PTPRK: variants seen among roughly 807,000 people sequenced by gnomAD.
PTPRK encodes the protein protein tyrosine phosphatase receptor type K.
PTPRK carries 75 observed loss-of-function variants against 178.0 expected under a neutral mutation model. The observed-to-expected ratio is 0.42, with a 90% CI of 0.35 to 0.51. The LOEUF is 0.51. Among genes scored for constraint, PTPRK ranks in the 20% least tolerant of loss-of-function variants. The pLI, the probability that PTPRK is intolerant of heterozygous loss-of-function variation, is 0.02. For missense variants in PTPRK, 1,441 were observed against 1,797.8 expected (o/e 0.80, Z 3.59); for synonymous variants, 637 against 620.6 (o/e 1.03, Z -0.39).
At chr6:127,986,947 A>T (rs1776046492) in intron 21 of PTPRK, among the ~76,000 whole-genome samples, 1 of 152,168 alleles carries the variant, frequency 6.6e-6, no homozygotes, top group African/African-American at 2.4e-5. Flanking sequence ...AAATAACTGT[A>T]ACAATCACAA....
At chr6:128,037,816 G>A (rs1776474887) in intron 13 of PTPRK, among the ~76,000 whole-genome samples, 1 of 152,142 alleles carries the variant, frequency 6.6e-6, no homozygotes, top group Non-Finnish European at 1.5e-5. Context: ...ATCCTGAGTT[G>A]AGCAATGTAT....
In PTPRK at chr6:128,452,185, C is replaced by CTTATCTTA. The variant is rs1358524870; in HGVS notation, c.101-54505_101-54498dup. Among the ~76,000 whole-genome samples, 17 of 152,264 alleles carry CTTATCTTA rather than the reference C, an allele frequency of 1.1e-4. No individual in the cohort carries two copies. In the East Asian group the frequency reaches 3.1e-3, roughly 28 times the overall value. ...GTTCTAGTGCCACCTTTCATCTCTG[C>CTTATCTTA]TTATCTTATTTCATGTGTTTTCATT... is the stretch of plus-strand genomic sequence containing the variant. On this transcript the variant is annotated intron_variant, in intron 1 of 29. Coordinates refer to ENST00000368226, the MANE Select transcript of PTPRK (RefSeq NM_002844.4).
chr6:128,136,216 C>T (rs1794993777), intron 7 of PTPRK, among the ~76,000 whole-genome samples: 1 of 152,192 alleles, frequency 6.6e-6, no homozygotes, highest in East Asian at 1.9e-4. Flanking sequence ...TTCAGACTTG[C>T]AGCCTCCAGA....
chr6:128,041,316 T>C (rs1489670096), intron 13 of PTPRK, among the ~76,000 whole-genome samples: 2 of 152,090 alleles, frequency 1.3e-5, no homozygotes, highest in Admixed American at 6.6e-5. Context: ...ATGCATTTAT[T>C]AAATCAGATA....
chr6:128,082,592 G>T lies in PTPRK; in HGVS notation c.1622C>A (p.Ala541Asp). 6.2e-7 allele frequency: 1 copy of T among 1,612,548 alleles called. No homozygotes were observed. Among genetic ancestry groups the T allele is most frequent in the Non-Finnish European group, 8.5e-7 (1 of 1,178,872 alleles). Reference protein sequence around the residue: ...IRSFDPAVPVAGPPQTVSNLW... With the variant: ...IRSFDPAVPVDGPPQTVSNLW... The stretch of plus-strand genomic sequence containing the variant: ...ATTTGATACAGTCTGGGGAGGTCCA[G>T]CCACTGGAACTGCAGGATCAAATGA... Residue 541 changes from alanine to aspartate, a missense_variant, in exon 10 of 30, where the codon GCT becomes GAT. Ala to Asp is a moderately radical substitution (Grantham distance 126). Coordinates refer to ENST00000368226, the MANE Select transcript of PTPRK (RefSeq NM_002844.4).
intron 10 of PTPRK, among the ~76,000 whole-genome samples, chr6:128,080,838 TTAACA>T (rs1301970973): frequency 4.6e-5 from 7 of 152,082 alleles, no homozygotes; most frequent in Non-Finnish European, 1.0e-4. Context: ...ATAATTGTTC[TTAACA>T]TAAAGTGATT....
At chr6:128,498,044 AAAAC>A (rs1854987073) in intron 1 of PTPRK, among the ~76,000 whole-genome samples, 1 of 152,202 alleles carries the variant, frequency 6.6e-6, no homozygotes, top group Non-Finnish European at 1.5e-5. Flanking sequence ...GTTGTAAAAA[AAAAC>A]AAAAACAAAA....
At chr6:128,403,770 AC>A (rs1472923316) in intron 1 of PTPRK, among the ~76,000 whole-genome samples, 1 of 152,170 alleles carries the variant, frequency 6.6e-6, no homozygotes, top group African/African-American at 2.4e-5. Context: ...TATTGCCAAA[AC>A]CAGTTTTACC....
At chr6:128,369,467 T>C (rs1032980780) in intron 2 of PTPRK, among the ~76,000 whole-genome samples, 1 of 152,132 alleles carries the variant, frequency 6.6e-6, no homozygotes, top group African/African-American at 2.4e-5. Context: ...AAGTTAGGCT[T>C]CTACCTGGTA....
At chr6:128,130,709 T>G (rs1432071898) in intron 7 of PTPRK, among the ~76,000 whole-genome samples, 1 of 152,180 alleles carries the variant, frequency 6.6e-6, no homozygotes, top group African/African-American at 2.4e-5. Flanking sequence ...GGCAATTACA[T>G]TAAACACTCA....
chr6:128,184,180 C>T (rs905458742), intron 7 of PTPRK, among the ~76,000 whole-genome samples: 5 of 152,030 alleles, frequency 3.3e-5, no homozygotes, highest in Admixed American at 2.0e-4. Flanking sequence ...AGCAGGCTCA[C>T]CAAAACTACC....
At chr6:128,270,865 A>G (rs540212087) in intron 3 of PTPRK, among the ~76,000 whole-genome samples, 1 of 152,230 alleles carries the variant, frequency 6.6e-6, no homozygotes, top group South Asian at 2.1e-4. Flanking sequence ...CAGTGTACCA[A>G]TCAGGCATTA....
intron 7 of PTPRK, among the ~76,000 whole-genome samples, chr6:128,149,861 G>A (rs2114552724): frequency 6.6e-6 from 1 of 152,250 alleles, no homozygotes; most frequent in South Asian, 2.1e-4. Context: ...AAGAGAAGAG[G>A]TAGTCACTGC....
At chr6:127,977,510 G>T (rs530280427) in intron 25 of PTPRK, among the ~76,000 whole-genome samples, 1 of 152,108 alleles carries the variant, frequency 6.6e-6, no homozygotes, top group Non-Finnish European at 1.5e-5. Flanking sequence ...GTGTGTGTGC[G>T]TGCAAGTAAA....
intron 15 of PTPRK, among the ~76,000 whole-genome samples, chr6:128,004,734 T>C (rs1483924119): frequency 6.6e-6 from 1 of 151,864 alleles, no homozygotes; most frequent in Non-Finnish European, 1.5e-5. Flanking sequence ...CAAAGGAAGA[T>C]GCAAATGGAA....
At chr6:128,342,782 T>C (rs1484161010) in intron 2 of PTPRK, among the ~76,000 whole-genome samples, 1 of 152,158 alleles carries the variant, frequency 6.6e-6, no homozygotes, top group African/African-American at 2.4e-5. Context: ...TCTACAAATT[T>C]TTTTTTCTAA....
At chr6:128,480,243 T>A (rs1182842960) in intron 1 of PTPRK, among the ~76,000 whole-genome samples, 2 of 152,082 alleles carry the variant, frequency 1.3e-5, no homozygotes, top group Non-Finnish European at 2.9e-5. Flanking sequence ...CCTTTCGCGC[T>A]TGTTCTTCCA....
chr6:128,299,863 T>C (rs971387362), intron 3 of PTPRK, among the ~76,000 whole-genome samples: 1 of 151,986 alleles, frequency 6.6e-6, no homozygotes. Context: ...AAACCCAAAA[T>C]TGACAAATGG....
At chr6:128,322,871 T>G (rs1368265115) in intron 2 of PTPRK, among the ~76,000 whole-genome samples, 2 of 152,068 alleles carry the variant, frequency 1.3e-5, no homozygotes, top group African/African-American at 4.8e-5. Context: ...ACATACTAAC[T>G]TTGAACCTCA....
Sources: allele counts gnomAD v4.1 joint callset (sites outside exome capture counted in the v4.1 genomes callset), GRCh38; gene constraint gnomAD v4.1.1; transcripts MANE v1.5; gene names NCBI Gene and HGNC (gene_info 2026-07-23, HGNC 2026-07-21).